GRIN3A: variants seen among roughly 807,000 people sequenced by gnomAD.
GRIN3A encodes the protein glutamate receptor ionotropic, NMDA 3A.
A neutral mutation model predicts 92.4 loss-of-function variants in GRIN3A; 47 were observed. The ratio of observed to expected loss-of-function variants is 0.51; its 90% CI spans 0.40 to 0.65. GRIN3A has a LOEUF of 0.65. Among genes scored for constraint, GRIN3A ranks in the 30% least tolerant of loss-of-function variants. GRIN3A has a pLI of 0.00. For missense variants in GRIN3A, 1,324 were observed against 1,393.1 expected (o/e 0.95, Z 0.79); for synonymous variants, 527 against 540.6 (o/e 0.97, Z 0.35).
At chr9:101,683,889 A>G (rs1321193451) in intron 2 of GRIN3A, among the ~76,000 whole-genome samples, 2 of 152,038 alleles carry the variant, frequency 1.3e-5, no homozygotes, top group Non-Finnish European at 2.9e-5. Flanking sequence ...AGCGAGAGAG[A>G]AAGAAAACCA....
Position 101,579,080 on chromosome 9 carries a change from C to G in GRIN3A, c.2931+116G>C, listed in dbSNP as rs942891195. 5.7e-6 allele frequency: 6 copies of G among 1,053,810 alleles called. No homozygotes were observed. In the African/African-American group the frequency reaches 6.2e-5, roughly 11 times the overall value. 65.3% of individuals were successfully genotyped at this position (1,053,810 alleles called of 1,614,324 possible). ...TTCTGCTCTAATGAGAGTGCCTACC[C>G]CACCCTCGTTATTGTGGTAACATAA... On this transcript the variant is annotated intron_variant, in intron 7 of 8. Coordinates refer to ENST00000361820, the MANE Select transcript of GRIN3A (RefSeq NM_133445.3).
At chr9:101,689,913 C>A in intron 1 of GRIN3A, among the ~76,000 whole-genome samples, 1 of 152,062 alleles carries the variant, frequency 6.6e-6, no homozygotes. Context: ...TTGTTGTTTG[C>A]AAAAGAGCAA....
At chr9:101,614,125 G>T (rs903695416) in intron 5 of GRIN3A, among the ~76,000 whole-genome samples, 10 of 152,048 alleles carry the variant, frequency 6.6e-5, no homozygotes, top group African/African-American at 2.4e-4. Context: ...AGAAGATGAG[G>T]ATCAATAAGA....
intron 4 of GRIN3A, among the ~76,000 whole-genome samples, chr9:101,627,289 C>T (rs565187790): frequency 1.3e-5 from 2 of 152,096 alleles, no homozygotes; most frequent in Non-Finnish European, 2.9e-5. Flanking sequence ...GAGAACAAGG[C>T]TTTTTCTCTA....
chr9:101,655,174 T>C (rs1290010834), intron 3 of GRIN3A, among the ~76,000 whole-genome samples: 1 of 151,892 alleles, frequency 6.6e-6, no homozygotes, highest in Non-Finnish European at 1.5e-5. Flanking sequence ...GCTTAAGATA[T>C]CATAAACCAC....
intron 3 of GRIN3A, among the ~76,000 whole-genome samples, chr9:101,656,229 C>A (rs2118925352): frequency 6.6e-6 from 1 of 151,932 alleles, no homozygotes; most frequent in Admixed American, 6.6e-5. Flanking sequence ...ATCAGTTTAG[C>A]AGGGGGTGGG....
chr9:101,735,282 T>C (rs1255951758), intron 1 of GRIN3A, among the ~76,000 whole-genome samples: 1 of 151,906 alleles, frequency 6.6e-6, no homozygotes, highest in Non-Finnish European at 1.5e-5. Flanking sequence ...ATGTGTGCCA[T>C]GAAGGTAACA....
rs554340492 is a variant in GRIN3A, at chr9:101,610,942, C to A, written c.2766+2434G>T. On this transcript the variant is annotated intron_variant, in intron 6 of 8. Coordinates refer to ENST00000361820, the MANE Select transcript of GRIN3A (RefSeq NM_133445.3). Reference sequence around the variant, plus strand: ...TTAAACCCTGTCTCCACTAAAAACACAAAAAATTAGCCACGTGTGGTAGTG... The same window carrying A: ...TTAAACCCTGTCTCCACTAAAAACAAAAAAAATTAGCCACGTGTGGTAGTG... Among the ~76,000 whole-genome samples the A allele has an allele frequency of 5.3e-5, 8 of 151,964 alleles. No homozygotes were observed. In the East Asian group the frequency reaches 1.6e-3, roughly 29 times the overall value.
At chr9:101,699,146 T>C (rs948610998) in intron 1 of GRIN3A, among the ~76,000 whole-genome samples, 1 of 152,206 alleles carries the variant, frequency 6.6e-6, no homozygotes, top group Non-Finnish European at 1.5e-5. Context: ...TTTTTTGTAT[T>C]AATTTGTTTT....
chr9:101,598,911 T>C (rs1449663919), intron 6 of GRIN3A, among the ~76,000 whole-genome samples: 2 of 152,206 alleles, frequency 1.3e-5, no homozygotes, highest in African/African-American at 4.8e-5. Context: ...GGCACTCTTA[T>C]GGATTCCTCA....
At chr9:101,700,620 A>G (rs1829740535) in intron 1 of GRIN3A, among the ~76,000 whole-genome samples, 1 of 152,160 alleles carries the variant, frequency 6.6e-6, no homozygotes, top group Admixed American at 6.5e-5. Context: ...TAATACAATT[A>G]TTATGAATTA....
chr9:101,683,847 TGAGA>T (rs55960998), intron 2 of GRIN3A, among the ~76,000 whole-genome samples: 9,858 of 136,052 alleles, frequency 0.072, 342 homozygotes, highest in Non-Finnish European at 0.093. Context: ...AGAGAGACAG[TGAGA>T]GAGAGAGAGA....
intron 3 of GRIN3A, among the ~76,000 whole-genome samples, chr9:101,632,347 A>C (rs13289614): frequency 0.066 from 10,009 of 152,232 alleles, 483 homozygotes; most frequent in East Asian, 0.17. Context: ...GTAAGTTTCC[A>C]TGAGGATGGT....
At chr9:101,651,402 G>C (rs1209919071) in intron 3 of GRIN3A, among the ~76,000 whole-genome samples, 1 of 152,008 alleles carries the variant, frequency 6.6e-6, no homozygotes, top group African/African-American at 2.4e-5. Context: ...AGAAAGTCAG[G>C]TGGGAAGGCT....
chr9:101,656,746 C>T (rs1004567684), intron 3 of GRIN3A, among the ~76,000 whole-genome samples: 3 of 151,854 alleles, frequency 2.0e-5, no homozygotes, highest in African/African-American at 7.2e-5. Flanking sequence ...ATCTTAAATT[C>T]TCCCTAAGAT....
intron 6 of GRIN3A, among the ~76,000 whole-genome samples, chr9:101,604,109 C>T (rs73659562): frequency 0.029 from 4,416 of 150,434 alleles, 184 homozygotes; most frequent in African/African-American, 0.1. Flanking sequence ...GGACATGGTA[C>T]GTGGGAATTC....
intron 6 of GRIN3A, among the ~76,000 whole-genome samples, chr9:101,580,595 A>G (rs1388912214): frequency 6.6e-6 from 1 of 152,194 alleles, no homozygotes; most frequent in Non-Finnish European, 1.5e-5. Context: ...TAGTTCATTT[A>G]CAGAGGAGGA....
intron 1 of GRIN3A, among the ~76,000 whole-genome samples, chr9:101,690,908 C>G (rs1408715125): frequency 6.6e-6 from 1 of 151,934 alleles, no homozygotes; most frequent in Non-Finnish European, 1.5e-5. Context: ...CTCATTACAT[C>G]ATATATTAAA....
chr9:101,616,272 A>G (rs1828452616), intron 5 of GRIN3A, among the ~76,000 whole-genome samples: 1 of 152,240 alleles, frequency 6.6e-6, no homozygotes, highest in Non-Finnish European at 1.5e-5. Flanking sequence ...TGGCAACAGC[A>G]TTCATTATGT....
Sources: allele counts gnomAD v4.1 joint callset (sites outside exome capture counted in the v4.1 genomes callset), GRCh38; gene constraint gnomAD v4.1.1; transcripts MANE v1.5; gene names NCBI Gene and HGNC (gene_info 2026-07-23, HGNC 2026-07-21).